Variants in ITFG1 observed in about 807,000 individuals in gnomAD.
ITFG1 encodes the protein T-cell immunomodulatory protein.
Under a neutral mutation model 81.8 loss-of-function variants are expected in ITFG1, and 34 were observed. The observed-to-expected ratio is 0.42, with a 90% CI of 0.32 to 0.55. The LOEUF (loss-of-function observed/expected upper bound fraction) is 0.55. Ranked by LOEUF, ITFG1 falls within the 20% of genes least tolerant of loss-of-function variation. The pLI is 0.17. For missense variants in ITFG1, 672 were observed against 755.4 expected (o/e 0.89, Z 1.29); for synonymous variants, 285 against 270.6 (o/e 1.05, Z -0.52).
intron 14 of ITFG1, among the ~76,000 whole-genome samples, chr16:47,187,540 G>T (rs1488432703): frequency 6.6e-6 from 1 of 152,112 alleles, no homozygotes; most frequent in African/African-American, 2.4e-5. Flanking sequence ...AAATGGTGCT[G>T]GGAAAACTGG....
At chr16:47,393,629 G>GC (rs1465389055) in intron 6 of ITFG1, among the ~76,000 whole-genome samples, 1 of 152,044 alleles carries the variant, frequency 6.6e-6, no homozygotes, top group Non-Finnish European at 1.5e-5. Context: ...TACTAGGGAG[G>GC]CTGAGGCATA....
At chr16:47,325,631 A>G (rs1226467848) in intron 8 of ITFG1, among the ~76,000 whole-genome samples, 1 of 152,200 alleles carries the variant, frequency 6.6e-6, no homozygotes, top group Non-Finnish European at 1.5e-5. Flanking sequence ...ATAAAAAATG[A>G]TAAAGGGGAT....
At chr16:47,422,876 G>T (rs1419748290) in intron 6 of ITFG1, among the ~76,000 whole-genome samples, 1 of 152,154 alleles carries the variant, frequency 6.6e-6, no homozygotes, top group African/African-American at 2.4e-5. Context: ...AGTGCGATGT[G>T]GGGCTGAGAA....
intron 14 of ITFG1, among the ~76,000 whole-genome samples, chr16:47,191,688 T>C (rs1458850376): frequency 6.6e-6 from 1 of 152,150 alleles, no homozygotes; most frequent in Non-Finnish European, 1.5e-5. Flanking sequence ...TTTTTGTGTT[T>C]TTAGTAGAGA....
At chr16:47,363,643 AG>A (rs1378482227) in intron 8 of ITFG1, among the ~76,000 whole-genome samples, 2 of 152,216 alleles carry the variant, frequency 1.3e-5, no homozygotes, top group African/African-American at 4.8e-5. Context: ...CTGGGCAGTA[AG>A]TATATACTTT....
intron 10 of ITFG1, among the ~76,000 whole-genome samples, chr16:47,296,336 T>C (rs764711204): frequency 3.0e-4 from 45 of 152,186 alleles, no homozygotes; most frequent in Admixed American, 7.9e-4. Flanking sequence ...ATTGTTTCCA[T>C]TTTCATTCTG....
intron 6 of ITFG1, among the ~76,000 whole-genome samples, chr16:47,406,281 C>CT (rs1567489048): frequency 6.6e-6 from 1 of 152,110 alleles, no homozygotes; most frequent in Non-Finnish European, 1.5e-5. Context: ...AAAAATGTGT[C>CT]TGTTATTTTC....
At chr16:47,436,716 C>T (rs1969171533) in intron 5 of ITFG1, among the ~76,000 whole-genome samples, 1 of 152,008 alleles carries the variant, frequency 6.6e-6, no homozygotes, top group Non-Finnish European at 1.5e-5. Context: ...ATAAAAAAAT[C>T]ACAGTTACTT....
intron 6 of ITFG1, among the ~76,000 whole-genome samples, chr16:47,399,408 C>T (rs1215509689): frequency 6.6e-6 from 1 of 152,130 alleles, no homozygotes; most frequent in Non-Finnish European, 1.5e-5. Flanking sequence ...CCCATCTCTA[C>T]TAAAAATACA....
Position 47,354,469 on chromosome 16 carries a change from A to G in ITFG1, c.802+11319T>C, listed in dbSNP as rs1253195189. Among the ~76,000 whole-genome samples the G allele has an allele frequency of 2.6e-5, 4 of 152,130 alleles. No individual in the cohort carries two copies. The East Asian group carries it at 7.7e-4, about 29-fold the overall frequency. Reference sequence around the variant, plus strand: ...AAACTACTAAAAAAATACATGGGGAAATACTTCATGACATTGGTCTTGTCA... The same window carrying G: ...AAACTACTAAAAAAATACATGGGGAGATACTTCATGACATTGGTCTTGTCA... On this transcript the variant is annotated intron_variant, in intron 8 of 17. Coordinates refer to ENST00000320640, the MANE Select transcript of ITFG1 (RefSeq NM_030790.5).
At chr16:47,442,961 G>A (rs1172557344) in intron 5 of ITFG1, among the ~76,000 whole-genome samples, 1 of 152,128 alleles carries the variant, frequency 6.6e-6, no homozygotes, top group Non-Finnish European at 1.5e-5. Flanking sequence ...AGAGTGAACA[G>A]GCAACCTACA....
In ITFG1 at chr16:47,218,866, A is replaced by T; in HGVS notation, c.1453+2T>A. On this transcript the variant is annotated splice_donor_variant, in intron 14 of 17. Transcript: ENST00000320640. LOFTEE classifies it high-confidence loss of function. ...CATTATGGACAATGTATCTGGTCTT[A>T]CCTGATCCATTTTTCAGATACCCAT... 6.4e-7 allele frequency: 1 copy of T among 1,572,140 alleles called. No homozygotes were observed. The highest frequency in any genetic ancestry group is 8.7e-7 in the Non-Finnish European group (1 of 1,149,284).
In ITFG1 at chr16:47,242,495, T is replaced by C. The variant is rs1259980469; in HGVS notation, c.1331-4487A>G. Among the ~76,000 whole-genome samples the C allele has an allele frequency of 2.0e-5, 3 of 152,106 alleles. No individual in the cohort carries two copies. The East Asian group carries it at 5.8e-4, about 29-fold the overall frequency. On this transcript the variant is annotated intron_variant, in intron 12 of 17. Transcript: ENST00000320640. Reference sequence around the variant, plus strand: ...GCTCTTTAATACATACTACAGTACATTTTATAAATCAATTAGAAAATAAGA... The same window carrying C: ...GCTCTTTAATACATACTACAGTACACTTTATAAATCAATTAGAAAATAAGA...
At chr16:47,369,833 C>CTTTTTTTTTTTTTTTT (rs71134539) in intron 7 of ITFG1, among the ~76,000 whole-genome samples, 1 of 51,708 alleles carries the variant, frequency 1.9e-5, no homozygotes, top group Non-Finnish European at 3.4e-5. Flanking sequence ...TCAATATCCT[C>CTTTTTTTTTTTTTTTT]TTTTTTTTTT....
At chr16:47,372,039 A>G (rs1408921142) in intron 7 of ITFG1, among the ~76,000 whole-genome samples, 1 of 150,910 alleles carries the variant, frequency 6.6e-6, no homozygotes, top group Non-Finnish European at 1.5e-5. Context: ...TCAGCCCCCC[A>G]GTAGCTGGGA....
At chr16:47,214,898 C>G (rs1052332514) in intron 14 of ITFG1, among the ~76,000 whole-genome samples, 1 of 149,302 alleles carries the variant, frequency 6.7e-6, no homozygotes, top group Non-Finnish European at 1.5e-5. Context: ...AAAACTACAT[C>G]CTATGTTATT....
chr16:47,305,283 T>C (rs973247173), intron 10 of ITFG1, among the ~76,000 whole-genome samples: 4 of 152,208 alleles, frequency 2.6e-5, no homozygotes, highest in African/African-American at 9.6e-5. Context: ...TCTGGGTTGC[T>C]TTCACAGTGG....
At chr16:47,352,920 A>T (rs1305875529) in intron 8 of ITFG1, among the ~76,000 whole-genome samples, 1 of 152,194 alleles carries the variant, frequency 6.6e-6, no homozygotes, top group African/African-American at 2.4e-5. Flanking sequence ...GACATGGATG[A>T]AGCTGGAAAC....
At chr16:47,215,838 G>A (rs1194891652) in intron 14 of ITFG1, among the ~76,000 whole-genome samples, 1 of 151,552 alleles carries the variant, frequency 6.6e-6, no homozygotes, top group Non-Finnish European at 1.5e-5. Flanking sequence ...AGTTTGTGAG[G>A]GCTTTTTATT....
Sources: allele counts gnomAD v4.1 joint callset (sites outside exome capture counted in the v4.1 genomes callset), GRCh38; gene constraint gnomAD v4.1.1; transcripts MANE v1.5; gene names NCBI Gene and HGNC (gene_info 2026-07-23, HGNC 2026-07-21).